The following PPFIBP1 variants were observed in gnomAD, a reference collection of about 807,000 sequenced individuals.
The protein encoded by PPFIBP1 is PPFIB scaffold protein 1, also known as liprin-beta-1.
Under a neutral mutation model 137.8 loss-of-function variants are expected in PPFIBP1, and 112 were observed. The observed-to-expected ratio is 0.81, with a 90% CI of 0.70 to 0.95. The LOEUF is 0.95. PPFIBP1 is among the 40% of genes least tolerant of loss of function. The pLI is 0.00. For missense variants in PPFIBP1, 1,083 were observed against 1,196.6 expected (o/e 0.91, Z 1.40); for synonymous variants, 378 against 417.3 (o/e 0.91, Z 1.15).
chr12:27,634,086 C>T (rs2057468199), intron 3 of PPFIBP1, among the ~76,000 whole-genome samples: 1 of 150,568 alleles, frequency 6.6e-6, no homozygotes, highest in African/African-American at 2.4e-5. Context: ...CCACTCATGT[C>T]GGCCTCCCAA....
chr12:27,654,884 AATAAG>A (rs2059099494), intron 8 of PPFIBP1, 70 bp downstream of exon 8: 2 of 1,504,818 alleles, frequency 1.3e-6, no homozygotes, highest in Non-Finnish European at 1.8e-6. Flanking sequence ...CAATAATATA[AATAAG>A]ATGTTTTCTA....
chr12:27,623,703 T>C (rs1195769322), intron 2 of PPFIBP1, among the ~76,000 whole-genome samples: 2 of 151,696 alleles, frequency 1.3e-5, no homozygotes, highest in African/African-American at 2.4e-5. Context: ...GCCAAGACCT[T>C]GTCTCAAAAA....
chr12:27,526,637 C>G (rs925433707), intron 1 of PPFIBP1, among the ~76,000 whole-genome samples: 1 of 152,096 alleles, frequency 6.6e-6, no homozygotes, highest in Non-Finnish European at 1.5e-5. Flanking sequence ...AGTTGGAGAC[C>G]AGCCTGGCTA....
intron 1 of PPFIBP1, among the ~76,000 whole-genome samples, chr12:27,545,443 A>AT (rs1459341151): frequency 3.9e-5 from 6 of 152,156 alleles, no homozygotes; most frequent in Non-Finnish European, 8.8e-5. Flanking sequence ...CCTCATGCTG[A>AT]TCCCTTCAAA....
At chr12:27,547,613 G>C (rs1946356059) in intron 1 of PPFIBP1, 1 of 152,310 alleles carries the variant, frequency 6.6e-6, no homozygotes. Flanking sequence ...CTGTAAGGAA[G>C]GAACAAGGCA....
intron 2 of PPFIBP1, among the ~76,000 whole-genome samples, chr12:27,631,104 A>G (rs1413987671): frequency 6.6e-6 from 1 of 152,120 alleles, no homozygotes; most frequent in East Asian, 1.9e-4. Context: ...GGCTATGTCA[A>G]TTTTTTTCAC....
At chr12:27,632,426 G>A (rs1280634747) in intron 2 of PPFIBP1, among the ~76,000 whole-genome samples, 3 of 152,068 alleles carry the variant, frequency 2.0e-5, no homozygotes, top group Admixed American at 1.3e-4. Context: ...GCTTAGTCTG[G>A]TACCTGAAAT....
intron 2 of PPFIBP1, among the ~76,000 whole-genome samples, chr12:27,622,795 A>G (rs1178099565): frequency 6.6e-6 from 1 of 152,206 alleles, no homozygotes; most frequent in Non-Finnish European, 1.5e-5. Context: ...GTGTCTGAAT[A>G]ATCAAATCAA....
At chr12:27,648,097 A>T (rs1433949285) in intron 6 of PPFIBP1, 2 of 421,164 alleles carry the variant, frequency 4.7e-6, no homozygotes, top group Non-Finnish European at 8.1e-6. Flanking sequence ...TTGCATTCAG[A>T]TGGTTTCCTC....
At chr12:27,550,271 G>T (rs1223759202) in intron 1 of PPFIBP1, among the ~76,000 whole-genome samples, 2 of 152,166 alleles carry the variant, frequency 1.3e-5, no homozygotes, top group East Asian at 3.9e-4. Context: ...CTCGTGAAGG[G>T]CTCTGGGTGC....
At chr12:27,562,934 T>A (rs1234164909) in intron 1 of PPFIBP1, among the ~76,000 whole-genome samples, 1 of 152,140 alleles carries the variant, frequency 6.6e-6, no homozygotes, top group African/African-American at 2.4e-5. Context: ...CTCTATTTTT[T>A]AACCTCAGAA....
intron 13 of PPFIBP1, among the ~76,000 whole-genome samples, chr12:27,667,554 A>C (rs2059931193): frequency 6.6e-6 from 1 of 152,258 alleles, no homozygotes; most frequent in African/African-American, 2.4e-5. Context: ...GGAGAGGAGT[A>C]AACAGTTATA....
intron 2 of PPFIBP1, among the ~76,000 whole-genome samples, chr12:27,615,589 A>G (rs1283253480): frequency 2.0e-5 from 3 of 152,364 alleles, no homozygotes; most frequent in African/African-American, 7.2e-5. Context: ...TCTAGTTCCA[A>G]CTTCACAGTA....
At chr12:27,603,601 A>C (rs1391465384) in intron 2 of PPFIBP1, among the ~76,000 whole-genome samples, 1 of 152,198 alleles carries the variant, frequency 6.6e-6, no homozygotes, top group Non-Finnish European at 1.5e-5. Flanking sequence ...AAGTGTCAGC[A>C]TCTGCCAACA....
chr12:27,592,396 A>T (rs568737832), intron 2 of PPFIBP1: 19 of 614,050 alleles, frequency 3.1e-5, no homozygotes, highest in Non-Finnish European at 4.5e-5. Context: ...ACTATTGGGG[A>T]TTATCAGTGG....
intron 10 of PPFIBP1, among the ~76,000 whole-genome samples, chr12:27,659,074 T>C (rs1364761850): frequency 6.6e-6 from 1 of 152,202 alleles, no homozygotes; most frequent in Non-Finnish European, 1.5e-5. Flanking sequence ...CGCTCTACAG[T>C]GTATAACCGG....
chr12:27,592,537 G>A (rs1342369407), intron 2 of PPFIBP1: 1 of 1,253,574 alleles, frequency 8.0e-7, no homozygotes. Context: ...CCTTGGTGCT[G>A]GCTGACGGGG....
At chr12:27,625,987 T>TA (rs1491039588) in intron 2 of PPFIBP1, among the ~76,000 whole-genome samples, 1 of 151,636 alleles carries the variant, frequency 6.6e-6, no homozygotes. Context: ...CCCCATTTTT[T>TA]AAAAAAAGTA....
chr12:27,560,011 T>C (rs968558264), intron 1 of PPFIBP1, among the ~76,000 whole-genome samples: 1 of 152,226 alleles, frequency 6.6e-6, no homozygotes, highest in Non-Finnish European at 1.5e-5. Context: ...TAAAATACAA[T>C]CTACGTAATG....
Sources: gnomAD v4.1 joint callset for allele counts (sites outside exome capture counted in the v4.1 genomes callset) on GRCh38, gnomAD v4.1.1 for gene constraint, MANE v1.5 for transcripts, NCBI Gene and HGNC (gene_info 2026-07-23, HGNC 2026-07-21) for gene names.